Variants in KAZN observed in about 807,000 individuals in gnomAD.
KAZN encodes the protein kazrin, periplakin interacting protein.
In KAZN, 40 loss-of-function variants were observed where a neutral mutation model predicts 87.4. The ratio of observed to expected loss-of-function variants is 0.46; its 90% CI spans 0.36 to 0.60. The LOEUF is 0.60. KAZN is among the 20% of genes least tolerant of loss of function. KAZN has a pLI of 0.00. For missense variants in KAZN, 898 were observed against 1,073.9 expected, an observed-to-expected ratio of 0.84 and a Z score of 2.29; for synonymous variants, 466 against 458.3, an observed-to-expected ratio of 1.02 and a Z score of -0.22.
At chr1:14,435,850 AG>A (rs1400958949) in intron 2 of KAZN, among the ~76,000 whole-genome samples, 1 of 151,940 alleles carries the variant, frequency 6.6e-6, no homozygotes, top group East Asian at 1.9e-4. Flanking sequence ...GGATGGTGAC[AG>A]GGCCTAACGA....
At chr1:14,056,581 AG>A (rs1348190841) in intron 1 of KAZN, among the ~76,000 whole-genome samples, 1 of 152,238 alleles carries the variant, frequency 6.6e-6, no homozygotes, top group Non-Finnish European at 1.5e-5. Flanking sequence ...TAAGCCACAA[AG>A]TTTGTGGTAC....
intron 2 of KAZN, among the ~76,000 whole-genome samples, chr1:14,347,865 TTTTTTCTTTTTTC>T (rs1464307354): frequency 1.3e-5 from 2 of 150,270 alleles, no homozygotes; most frequent in Non-Finnish European, 3.0e-5. Flanking sequence ...TACTACTATT[TTTTTTCTTTTTTC>T]TTTTTCTTTT....
chr1:14,431,285 T>C (rs1666054686), intron 2 of KAZN, among the ~76,000 whole-genome samples: 1 of 152,138 alleles, frequency 6.6e-6, no homozygotes, highest in Non-Finnish European at 1.5e-5. Context: ...AGATGGGCAT[T>C]TGGGGATCCA....
intron 2 of KAZN, among the ~76,000 whole-genome samples, chr1:14,377,338 A>C (rs903652262): frequency 2.0e-5 from 3 of 152,174 alleles, no homozygotes; most frequent in Admixed American, 6.5e-5. Flanking sequence ...AAATTGGAGG[A>C]GGCAGGTCCA....
chr1:14,144,805 A>G (rs1345054307), intron 1 of KAZN, among the ~76,000 whole-genome samples: 1 of 152,070 alleles, frequency 6.6e-6, no homozygotes, highest in Non-Finnish European at 1.5e-5. Context: ...AAGTGGGGGG[A>G]AGTTCCAGGC....
At chr1:14,852,160 C>A (rs946707865) in intron 1 of KAZN, among the ~76,000 whole-genome samples, 1 of 152,206 alleles carries the variant, frequency 6.6e-6, no homozygotes, top group Non-Finnish European at 1.5e-5. Flanking sequence ...GTCCCTATCT[C>A]CCCTCCCCTA....
chr1:14,120,535 A>G (rs1227971685), intron 1 of KAZN, among the ~76,000 whole-genome samples: 1 of 152,186 alleles, frequency 6.6e-6, no homozygotes, highest in Non-Finnish European at 1.5e-5. Context: ...CCTCAAGGTT[A>G]AGTTTAACAT....
chr1:14,595,420 G>A (rs748023777), upstream of KAZN, among the ~76,000 whole-genome samples: 17 of 152,036 alleles, frequency 1.1e-4, no homozygotes, highest in Non-Finnish European at 2.1e-4. Flanking sequence ...GCTCACGCCT[G>A]CAATCCCAGC....
At chr1:14,778,856 G>A (rs559099931) in intron 1 of KAZN, among the ~76,000 whole-genome samples, 1 of 152,156 alleles carries the variant, frequency 6.6e-6, no homozygotes, top group East Asian at 1.9e-4. Context: ...ACATGCAGCC[G>A]GCAGGAACTT....
chr1:14,062,264 G>C (rs1310941479), intron 1 of KAZN, among the ~76,000 whole-genome samples: 2 of 152,164 alleles, frequency 1.3e-5, no homozygotes, highest in Non-Finnish European at 2.9e-5. Context: ...AGAGTCAAGA[G>C]GGAAGTGGTA....
intron 3 of KAZN, among the ~76,000 whole-genome samples, chr1:15,041,229 T>G (rs1280752524): frequency 6.6e-6 from 1 of 151,620 alleles, no homozygotes; most frequent in Admixed American, 6.6e-5. Flanking sequence ...CCCAAAGTGC[T>G]GGGATTACAG....
At chr1:15,071,260 T>TG (rs1313564118) in intron 8 of KAZN, among the ~76,000 whole-genome samples, 2 of 151,470 alleles carry the variant, frequency 1.3e-5, no homozygotes, top group East Asian at 3.9e-4. Flanking sequence ...TTTCTTTTTT[T>TG]TTCTTTTTTG....
chr1:14,490,837 G>A (rs188704004), intron 2 of KAZN, among the ~76,000 whole-genome samples: 8 of 152,194 alleles, frequency 5.3e-5, no homozygotes, highest in African/African-American at 1.2e-4. Flanking sequence ...CCACATAATC[G>A]ATTTCAACAT....
intron 2 of KAZN, among the ~76,000 whole-genome samples, chr1:14,380,025 A>G (rs540184127): frequency 6.6e-6 from 1 of 152,376 alleles, no homozygotes; most frequent in Non-Finnish European, 1.5e-5. Context: ...AGCTCAGAAC[A>G]GAGAGACTCC....
At chr1:14,092,433 T>C (rs1204137670) in intron 1 of KAZN, among the ~76,000 whole-genome samples, 1 of 150,152 alleles carries the variant, frequency 6.7e-6, no homozygotes, top group African/African-American at 2.4e-5. Context: ...TGGTATAATA[T>C]ATAACAGTAA....
chr1:14,436,717 CAAAAAAAAAAA>C (rs1197002414), intron 2 of KAZN, among the ~76,000 whole-genome samples: 1 of 51,314 alleles, frequency 1.9e-5, no homozygotes, highest in African/African-American at 1.1e-4. Context: ...GACTCTGTCT[CAAAAAAAAAAA>C]AAAAAAAAAA....
intron 4 of KAZN, among the ~76,000 whole-genome samples, 163 bp from the exon 5 acceptor site, chr1:15,055,928 C>T (rs574282607): frequency 3.7e-4 from 57 of 152,248 alleles, no homozygotes; most frequent in Non-Finnish European, 6.9e-4. Context: ...CACACGGCTG[C>T]GGGGCAGGCG....
intron 1 of KAZN, among the ~76,000 whole-genome samples, chr1:14,109,498 A>G (rs1469878198): frequency 1.3e-5 from 2 of 152,170 alleles, no homozygotes; most frequent in South Asian, 2.1e-4. Context: ...TTGAAGTTTC[A>G]GTAGGTGCCT....
intron 2 of KAZN, among the ~76,000 whole-genome samples, chr1:14,508,384 G>T (rs1571823178): frequency 6.6e-6 from 1 of 152,058 alleles, no homozygotes. Context: ...TTCTCATTAG[G>T]CTCGCAGATT....
Sources: gnomAD v4.1 joint callset for allele counts (sites outside exome capture counted in the v4.1 genomes callset) on GRCh38, gnomAD v4.1.1 for gene constraint, MANE v1.5 for transcripts, NCBI Gene and HGNC (gene_info 2026-07-23, HGNC 2026-07-21) for gene names.